The following SIGLEC6 variants were observed in gnomAD, a reference collection of about 807,000 sequenced individuals.
SIGLEC6 encodes sialic acid binding Ig like lectin 6.
In SIGLEC6, 31 loss-of-function variants were observed where a neutral mutation model predicts 41.4. That is an observed-to-expected ratio of 0.75 (90% CI 0.56 to 1.01). The LOEUF (loss-of-function observed/expected upper bound fraction) is 1.01. Among genes scored for constraint, SIGLEC6 ranks in the 50% least tolerant of loss-of-function variants. The probability of loss-of-function intolerance (pLI) is 0.00; values close to 1 mark genes in which losing one functional copy is unlikely to be tolerated. For synonymous variants in SIGLEC6, 217 were observed against 231.0 expected (o/e 0.94, Z 0.55); for missense variants, 555 against 558.6 (o/e 0.99, Z 0.06).
At position 51,530,972 on chromosome 19, in the gene SIGLEC6, T is replaced by A. The variant is rs1980216326; in HGVS notation, c.428-13A>T. On this transcript the variant is annotated splice_polypyrimidine_tract_variant and intron_variant, in intron 2 of 7. Coordinates refer to ENST00000425629, the MANE Select transcript of SIGLEC6 (RefSeq NM_001245.7). The stretch of plus-strand genomic sequence containing the variant: ...CTGTGGGTCAGGGCTGGTGAGGAGA[T>A]GGGGACGCAGGATCAGGATGGAGGT... The A allele has an allele frequency of 1.2e-6, 2 of 1,607,694 alleles. No homozygotes were observed. The highest frequency in any genetic ancestry group is 1.7e-5 in the Admixed American group (1 of 59,242).
intron 7 of SIGLEC6, among the ~76,000 whole-genome samples, chr19:51,525,282 G>A (rs145190362): frequency 3.3e-5 from 5 of 152,190 alleles, no homozygotes; most frequent in Non-Finnish European, 7.4e-5. Context: ...CGACTTCTCT[G>A]GGACAGGGCT....
rs1300813891 is a variant in SIGLEC6 at position 51,519,335 on chromosome 19, ACAAGG to A, written c.*742_*746del. Among the ~76,000 whole-genome samples, 1 of 150,946 alleles carries A rather than the reference ACAAGG, an allele frequency of 6.6e-6. No homozygotes were observed. Among genetic ancestry groups the A allele is most frequent in the Non-Finnish European group, 1.5e-5 (1 of 67,788 alleles). On this transcript the variant is annotated 3_prime_UTR_variant, in exon 8 of 8. Coordinates refer to ENST00000425629, the MANE Select transcript of SIGLEC6 (RefSeq NM_001245.7). ...AAAAAAAAGCTAGCCAAAGCCAGAT[ACAAGG>A]CATTCATTTACAAAAATATACAGAC...
In SIGLEC6 at chr19:51,518,529, G is replaced by A. The variant is rs1296660952; in HGVS notation, c.*1553C>T. 6.6e-6 allele frequency among the ~76,000 whole-genome samples: 1 copy of A among 152,114 alleles called. No individual in the cohort carries two copies. Among genetic ancestry groups the A allele is most frequent in the Non-Finnish European group, 1.5e-5 (1 of 68,024 alleles). On this transcript the variant is annotated 3_prime_UTR_variant, in exon 8 of 8. Transcript: ENST00000425629. ...CTAATTTTTGTATTTTAGTAGAGAT[G>A]GGGTTTCACCATGTTGGCCAGACCA...
In SIGLEC6 at chr19:51,527,790, T is replaced by A; in HGVS notation, c.1145A>T (p.Gln382Leu). 7 of 1,614,106 alleles carry A rather than the reference T, an allele frequency of 4.3e-6. No homozygotes were observed. In the Admixed American group the frequency reaches 5.0e-5, roughly 12 times the overall value. The change falls in exon 7 of 8, where the codon CAA (glutamine) becomes CTA (leucine). Residue 382 changes from glutamine to leucine, a missense_variant. Coordinates refer to ENST00000425629, the MANE Select transcript of SIGLEC6 (RefSeq NM_001245.7). ...TRRKKAAQPV[Q>L]NTDDVNPVMV... The stretch of plus-strand genomic sequence containing the variant: ...GACGGGGTTCACATCATCCGTGTTT[T>A]GCACTGGCTGGGCTGCTTTCTTCCT...
intron 6 of SIGLEC6, 32 bp downstream of exon 6, chr19:51,528,128 T>C (rs774114364): frequency 6.3e-7 from 1 of 1,586,926 alleles, no homozygotes; most frequent in Admixed American, 1.7e-5. Context: ...CCACATGAAG[T>C]CTTTCTGTGC....
intron 4 of SIGLEC6, 115 bp from the exon 5 acceptor site, chr19:51,530,096 G>T: frequency 7.7e-7 from 1 of 1,296,034 alleles, no homozygotes; most frequent in Non-Finnish European, 1.1e-6. Context: ...TAAAGTGGGG[G>T]CCTCAGGTCT....
chr19:51,519,339 G>C lies in SIGLEC6; in HGVS notation c.*743C>G, dbSNP rs1421613327. On this transcript the variant is annotated 3_prime_UTR_variant, in exon 8 of 8. Transcript: ENST00000425629. Reference sequence around the variant, plus strand: ...AAAAGCTAGCCAAAGCCAGATACAAGGCATTCATTTACAAAAATATACAGA... The same window carrying C: ...AAAAGCTAGCCAAAGCCAGATACAACGCATTCATTTACAAAAATATACAGA... 6.9e-6 allele frequency among the ~76,000 whole-genome samples: 1 copy of C among 143,954 alleles called. No homozygotes were observed. The highest frequency in any genetic ancestry group is 1.5e-5 in the Non-Finnish European group (1 of 66,150). The allele number at this position is 143,954 out of a possible 152,430, so 94.4% of individuals were successfully genotyped here. A position where few individuals can be genotyped will look rare whatever the true frequency, so the allele number is the denominator to read the frequency against.
At chr19:51,530,184 C>G (rs767843496) in intron 4 of SIGLEC6, among the ~76,000 whole-genome samples, 9 of 152,134 alleles carry the variant, frequency 5.9e-5, no homozygotes, top group African/African-American at 2.2e-4. Flanking sequence ...CGGACAGCGT[C>G]GTGGCAGACA....
In SIGLEC6 at chr19:51,531,235, C is replaced by A. The variant is rs775895100; in HGVS notation, c.352G>T (p.Ala118Ser). 2 of 1,613,760 alleles carry A rather than the reference C, an allele frequency of 1.2e-6. No individual in the cohort carries two copies. Among genetic ancestry groups the A allele is most frequent in the South Asian group, 1.1e-5 (1 of 91,036 alleles). Residue 118 changes from alanine (A) to serine (S), a missense_variant, in exon 2 of 8, where the codon GCA becomes TCA. By Grantham distance (99) the Ala-to-Ser change is moderately conservative. Transcript: ENST00000425629. Reference protein sequence around the residue: ...IRDARRRDNAAYFFRLKSKWM... With the variant: ...IRDARRRDNASYFFRLKSKWM... ...TTGGACTTCAACCGAAAGAAGTATG[C>A]AGCATTGTCCCTCCTCCGGGCATCT...
rs773742101 is a variant in SIGLEC6 at position 51,529,905 on chromosome 19, G to T, written c.831C>A (p.Asp277Glu). 3 of 1,613,794 alleles carry T rather than the reference G, an allele frequency of 1.9e-6. No individual in the cohort carries two copies. In the African/African-American group the frequency reaches 4.0e-5, roughly 22 times the overall value. ...AGCTCAGGTGTGCAGGGGGGTTGCCGTCAGCATCACAGAGCAGCCGCAGAG... is the reference window on the plus strand; with the variant it reads ...AGCTCAGGTGTGCAGGGGGGTTGCCTTCAGCATCACAGAGCAGCCGCAGAG... ...GQALRLLCDA[D>E]GNPPAHLSWF... The change falls in exon 5 of 8, where the codon GAC becomes GAA. Residue 277 changes from aspartate to glutamate, a missense_variant. Asp to Glu is a conservative substitution (Grantham distance 45). Coordinates refer to ENST00000425629, the MANE Select transcript of SIGLEC6 (RefSeq NM_001245.7).
rs866439444 is a variant in SIGLEC6 at position 51,530,948 on chromosome 19, T to C, written c.439A>G (p.Arg147Gly). 44 of 1,611,666 alleles carry C rather than the reference T, an allele frequency of 2.7e-5. 1 individual carries two copies. The Middle Eastern group carries it at 3.0e-3, about 109-fold the overall frequency. Residue 147 changes from arginine (R) to glycine (G), a missense_variant, in exon 3 of 8, where the codon AGG becomes GGG. Coordinates refer to ENST00000425629, the MANE Select transcript of SIGLEC6 (RefSeq NM_001245.7). Reference sequence around the variant, plus strand: ...GTCCCTGGGATGGAGATGTTGGGCCTGTGGGTCAGGGCTGGTGAGGAGATG... The same window carrying C: ...GTCCCTGGGATGGAGATGTTGGGCCCGTGGGTCAGGGCTGGTGAGGAGATG... ...LSVRVMALTH[R>G]PNISIPGTLE...
Position 51,530,491 on chromosome 19 carries a change from T to G in SIGLEC6, c.707-7A>C. On this transcript the variant is annotated splice_region_variant and splice_polypyrimidine_tract_variant and intron_variant, in intron 3 of 7. Coordinates refer to ENST00000425629, the MANE Select transcript of SIGLEC6 (RefSeq NM_001245.7). ...GCCACTTTCTGTGGAGCATCTGGGG[T>G]GGAAAGAGGTGGCCGCCTCAACATC... 6.2e-7 allele frequency: 1 copy of G among 1,613,970 alleles called. No homozygotes were observed. Among genetic ancestry groups the G allele is most frequent in the Non-Finnish European group, 8.5e-7 (1 of 1,179,936 alleles).
intron 7 of SIGLEC6, among the ~76,000 whole-genome samples, chr19:51,525,518 G>A (rs1231269034): frequency 6.6e-6 from 1 of 151,604 alleles, no homozygotes; most frequent in Non-Finnish European, 1.5e-5. Context: ...CAGCTGCCCT[G>A]CCCCCACCTG....
chr19:51,530,824 G>T lies in SIGLEC6; in HGVS notation c.563C>A (p.Thr188Asn). The change falls in exon 3 of 8, where the codon ACC becomes AAC. Residue 188 changes from threonine to asparagine, a missense_variant. Coordinates refer to ENST00000425629, the MANE Select transcript of SIGLEC6 (RefSeq NM_001245.7). ...PIFSWMSAAP[T>N]SLGPRTTQSS... ...CTGGGTGGTCCTGGGGCCCAGGGAGGTGGGGGCAGCTGACATCCAGGAGAA... is the reference window on the plus strand; with the variant it reads ...CTGGGTGGTCCTGGGGCCCAGGGAGTTGGGGGCAGCTGACATCCAGGAGAA... The T allele has an allele frequency of 6.2e-7, 1 of 1,614,080 alleles. No homozygotes were observed. The highest frequency in any genetic ancestry group is 1.1e-5 in the South Asian group (1 of 91,082).
At chr19:51,520,412 T>G (rs919962311) in intron 7 of SIGLEC6, among the ~76,000 whole-genome samples, 157 bp from the exon 8 acceptor site, 1 of 152,170 alleles carries the variant, frequency 6.6e-6, no homozygotes, top group African/African-American at 2.4e-5. Flanking sequence ...ATTTTTGAGA[T>G]GGGGTCTCGC....
intron 7 of SIGLEC6, among the ~76,000 whole-genome samples, chr19:51,520,806 C>T (rs900014830): frequency 2.0e-5 from 3 of 152,042 alleles, no homozygotes; most frequent in Admixed American, 6.5e-5. Context: ...ATCTTACAAA[C>T]GGGAACACTA....
chr19:51,525,192 C>T (rs1164249359), intron 7 of SIGLEC6, among the ~76,000 whole-genome samples: 4 of 152,154 alleles, frequency 2.6e-5, no homozygotes, highest in African/African-American at 9.7e-5. Context: ...TGCTACAGCT[C>T]GCCAGAGAAA....
At chr19:51,530,064 C>A (rs1425207940) in intron 4 of SIGLEC6, 83 bp from the exon 5 acceptor site, 8 of 1,479,486 alleles carry the variant, frequency 5.4e-6, no homozygotes, top group Non-Finnish European at 6.4e-6. Flanking sequence ...GGGGTCCACA[C>A]TAGCTCTGAG....
intron 7 of SIGLEC6, among the ~76,000 whole-genome samples, chr19:51,526,506 G>T (rs556191044): frequency 1.3e-5 from 2 of 152,210 alleles, no homozygotes; most frequent in African/African-American, 2.4e-5. Flanking sequence ...TGCACAAAGC[G>T]TTGGCCTTCT....
Sources: gnomAD v4.1 joint callset for allele counts (sites outside exome capture counted in the v4.1 genomes callset) on GRCh38, gnomAD v4.1.1 for gene constraint, MANE v1.5 for transcripts, NCBI Gene and HGNC (gene_info 2026-07-23, HGNC 2026-07-21) for gene names.